Variants in SLC7A2 observed in about 807,000 individuals in gnomAD.
SLC7A2 encodes the protein cationic amino acid transporter 2.
Under a neutral mutation model 58.9 loss-of-function variants are expected in SLC7A2, and 48 were observed. That is an observed-to-expected ratio of 0.82 (90% CI 0.65 to 1.04). SLC7A2 has a LOEUF of 1.04. Ranked by LOEUF, SLC7A2 falls within the 50% of genes least tolerant of loss-of-function variation. SLC7A2 has a pLI of 0.00. For missense variants in SLC7A2, 1,029 were observed against 818.8 expected, an observed-to-expected ratio of 1.26 and a Z score of -3.13; for synonymous variants, 363 against 314.5, an observed-to-expected ratio of 1.15 and a Z score of -1.63.
chr8:17,550,861 T>A (rs147955485), intron 6 of SLC7A2, among the ~76,000 whole-genome samples: 120 of 152,332 alleles, frequency 7.9e-4, no homozygotes, highest in African/African-American at 2.8e-3. Context: ...TTCTATGTTA[T>A]CTTATACAAC....
At chr8:17,557,064 A>G (rs986029765) in intron 8 of SLC7A2, among the ~76,000 whole-genome samples, 1 of 152,204 alleles carries the variant, frequency 6.6e-6, no homozygotes, top group Non-Finnish European at 1.5e-5. Context: ...ATTCTGTTAG[A>G]AAAACCACTC....
At chr8:17,532,317 C>A (rs1801494652) in intron 2 of SLC7A2, among the ~76,000 whole-genome samples, 2 of 140,676 alleles carry the variant, frequency 1.4e-5, no homozygotes, top group African/African-American at 2.6e-5. Flanking sequence ...ATGGCTTTCC[C>A]CAGGAAAGCT....
At chr8:17,526,777 C>T (rs542265625) in intron 2 of SLC7A2, among the ~76,000 whole-genome samples, 2 of 152,274 alleles carry the variant, frequency 1.3e-5, no homozygotes, top group Admixed American at 1.3e-4. Context: ...CTCCAGAAAG[C>T]ATCATGAGTT....
chr8:17,540,017 AT>A (rs1801841887), intron 2 of SLC7A2, among the ~76,000 whole-genome samples: 2 of 151,832 alleles, frequency 1.3e-5, no homozygotes, highest in Admixed American at 6.6e-5. Context: ...TTAGACACAA[AT>A]TTTTTTTCTC....
At chr8:17,515,268 A>G (rs1800759353) in intron 2 of SLC7A2, among the ~76,000 whole-genome samples, 1 of 149,146 alleles carries the variant, frequency 6.7e-6, no homozygotes, top group African/African-American at 2.5e-5. Flanking sequence ...CTGTGAATTT[A>G]TTTGATTGCC....
chr8:17,562,294 C>T (rs927404028), intron 11 of SLC7A2, among the ~76,000 whole-genome samples, 184 bp downstream of exon 11: 3 of 146,008 alleles, frequency 2.1e-5, no homozygotes, highest in Non-Finnish European at 4.5e-5. Context: ...CAACTTTTGC[C>T]TCCCGGGTTC....
At chr8:17,496,885 C>T (rs1364771143), upstream of SLC7A2, among the ~76,000 whole-genome samples, 1 of 151,900 alleles carries the variant, frequency 6.6e-6, no homozygotes, top group Non-Finnish European at 1.5e-5. Context: ...CTAGCGCCCG[C>T]CCACGTGTGC....
rs2150647520 is a variant in SLC7A2 at position 17,504,169 on chromosome 8, T to G, written c.-23+1867T>G. On this transcript the variant is annotated intron_variant, in intron 2 of 12. Transcript: ENST00000494857. ...TACTAAGAATTCAGTTTATTGATCA[T>G]CCTGAAACAAAATGGCACTGCTGAG... Among the ~76,000 whole-genome samples, 6 of 152,340 alleles carry G rather than the reference T, an allele frequency of 3.9e-5. No individual in the cohort carries two copies. In the South Asian group the frequency reaches 1.2e-3, roughly 32 times the overall value.
chr8:17,525,704 T>C (rs527645334), intron 2 of SLC7A2, among the ~76,000 whole-genome samples: 2 of 152,202 alleles, frequency 1.3e-5, no homozygotes, highest in Admixed American at 1.3e-4. Flanking sequence ...CAGGGTACAT[T>C]AAGCAACTGG....
At chr8:17,528,372 A>C (rs1801304097) in intron 2 of SLC7A2, among the ~76,000 whole-genome samples, 1 of 151,996 alleles carries the variant, frequency 6.6e-6, no homozygotes, top group African/African-American at 2.4e-5. Context: ...CGGTGTGGCC[A>C]TTACGCTTTT....
intron 7 of SLC7A2, among the ~76,000 whole-genome samples, chr8:17,553,785 A>G (rs1802560981): frequency 1.3e-5 from 2 of 152,198 alleles, no homozygotes; most frequent in Admixed American, 1.3e-4. Flanking sequence ...CGCAAATAAA[A>G]TAAATCAATA....
chr8:17,560,521 G>C lies in SLC7A2; in HGVS notation c.1492G>C (p.Val498Leu). ...GTCAGCTTCTCTCGTGAGCTTTCTG[G>C]TAGGATTCCTAGGTAAGTCTTCTTC... is the stretch of plus-strand genomic sequence containing the variant. ...QQSASLVSFLVGFLAFLVLGL... is the reference protein window; with the variant it reads ...QQSASLVSFLLGFLAFLVLGL... Residue 498 changes from valine (V) to leucine (L), a missense_variant, in exon 10 of 13, where the codon GTA becomes CTA. By Grantham distance (32) the Val-to-Leu change is conservative (BLOSUM62 1). Transcript: ENST00000494857. The C allele has an allele frequency of 6.2e-7, 1 of 1,613,548 alleles. No individual in the cohort carries two copies. Among genetic ancestry groups the C allele is most frequent in the Non-Finnish European group, 8.5e-7 (1 of 1,179,598 alleles).
At chr8:17,502,622 G>A (rs1011305154) in intron 2 of SLC7A2, among the ~76,000 whole-genome samples, 1 of 152,124 alleles carries the variant, frequency 6.6e-6, no homozygotes, top group African/African-American at 2.4e-5. Context: ...GTACCTTTTA[G>A]AAAATTTTTG....
intron 10 of SLC7A2, 48 bp downstream of exon 10, chr8:17,560,581 T>A (rs370505196): frequency 1.7e-5 from 25 of 1,453,956 alleles, no homozygotes; most frequent in Non-Finnish European, 2.3e-5. Context: ...AAGATGTGTG[T>A]GAGTAGAGCT....
intron 2 of SLC7A2, among the ~76,000 whole-genome samples, chr8:17,521,615 G>T (rs1203614898): frequency 6.6e-6 from 1 of 152,212 alleles, no homozygotes; most frequent in Non-Finnish European, 1.5e-5. Context: ...CAGAGACAGG[G>T]ACTCTTCACA....
Position 17,543,718 on chromosome 8 carries a change from A to T in SLC7A2, c.376+3A>T. On this transcript the variant is annotated splice_donor_region_variant and intron_variant, in intron 3 of 12. Coordinates refer to ENST00000494857, the MANE Select transcript of SLC7A2 (RefSeq NM_001370338.1). ...TCTCATTTTATCGTATGTGATAGGT[A>T]TGTTTCAAAAAGAAATCTAACTTGT... 6.6e-7 allele frequency: 1 copy of T among 1,513,766 alleles called. No individual in the cohort carries two copies. The highest frequency in any genetic ancestry group is 8.8e-7 in the Non-Finnish European group (1 of 1,131,920). 93.8% of individuals were successfully genotyped at this position (1,513,766 alleles called of 1,614,324 possible).
At chr8:17,539,888 C>T (rs1208735728) in intron 2 of SLC7A2, among the ~76,000 whole-genome samples, 1 of 152,016 alleles carries the variant, frequency 6.6e-6, no homozygotes, top group Non-Finnish European at 1.5e-5. Flanking sequence ...GCAGTAAGTC[C>T]CCTGTAAAAA....
At chr8:17,555,113 A>G in intron 8 of SLC7A2, 1 of 1,608,790 alleles carries the variant, frequency 6.2e-7, no homozygotes, top group Non-Finnish European at 8.5e-7. Flanking sequence ...TTTCTTGAGC[A>G]TTAGACTGGA....
At position 17,550,573 on chromosome 8, in the gene SLC7A2, C is replaced by T. The variant is rs946313689; in HGVS notation, c.832+139C>T. ...ACTAGTTCCAGGCCCAGCTGTGACACGTGCTGCTGATGATAAAAAGAAAGA... is the reference window on the plus strand; with the variant it reads ...ACTAGTTCCAGGCCCAGCTGTGACATGTGCTGCTGATGATAAAAAGAAAGA... On this transcript the variant is annotated intron_variant, in intron 6 of 12. Coordinates refer to ENST00000494857, the MANE Select transcript of SLC7A2 (RefSeq NM_001370338.1). 20 of 688,084 alleles carry T rather than the reference C, an allele frequency of 2.9e-5. 1 individual carries two copies. The highest frequency in any genetic ancestry group is 2.0e-4 in the Admixed American group (6 of 29,596). 42.6% of individuals were successfully genotyped at this position (688,084 alleles called of 1,614,324 possible).
Sources: allele counts gnomAD v4.1 joint callset (sites outside exome capture counted in the v4.1 genomes callset), GRCh38; gene constraint gnomAD v4.1.1; transcripts MANE v1.5; gene names NCBI Gene and HGNC (gene_info 2026-07-23, HGNC 2026-07-21).